The following TNFRSF11B variants were observed in gnomAD, a reference collection of about 807,000 sequenced individuals.
TNFRSF11B encodes TNF receptor superfamily member 11b, also known as tumor necrosis factor receptor superfamily member 11B.
Under a neutral mutation model 43.4 loss-of-function variants are expected in TNFRSF11B, and 16 were observed. The ratio of observed to expected loss-of-function variants is 0.37; its 90% CI spans 0.25 to 0.56. The LOEUF is 0.56. Ranked by LOEUF, TNFRSF11B falls within the 20% of genes least tolerant of loss-of-function variation. TNFRSF11B has a pLI of 0.80. For missense variants in TNFRSF11B, 444 were observed against 490.1 expected (o/e 0.91, Z 0.89); for synonymous variants, 185 against 181.8 (o/e 1.02, Z -0.14).
Position 118,928,918 on chromosome 8 carries a change from G to A in TNFRSF11B, c.412C>T (p.Arg138Ter), listed in dbSNP as rs1201638030. Residue 138 changes from arginine to a stop codon, truncating the protein, a stop_gained, in exon 3 of 5, where the codon CGA becomes TGA. Transcript: ENST00000297350. LOFTEE classifies it high-confidence loss of function. ...FGVVQAGTPE[R>*]NTVCKRCPDG... ...GGACATCTTTTGCAAACTGTATTTCGCTCTGGGGTTCCTACAGAAAATACC... is the reference window on the plus strand; with the variant it reads ...GGACATCTTTTGCAAACTGTATTTCACTCTGGGGTTCCTACAGAAAATACC... The A allele has an allele frequency of 3.1e-6, 5 of 1,613,944 alleles. No homozygotes were observed. The highest frequency in any genetic ancestry group is 3.4e-6 in the Non-Finnish European group (4 of 1,180,000).
At position 118,929,159 on chromosome 8, in the gene TNFRSF11B, G is replaced by A. The variant is rs149011868; in HGVS notation, c.401-230C>T. 42 of 555,178 alleles carry A rather than the reference G, an allele frequency of 7.6e-5. 2 individuals carry two copies. Among genetic ancestry groups the A allele is most frequent in the East Asian group, 3.4e-4 (11 of 32,186 alleles). 34.4% of individuals were successfully genotyped at this position (555,178 alleles called of 1,614,324 possible). ...AATGCAAATGCAAGTCAATTTTCTCGTTACCTACAAAACGCTCATGAAATG... is the reference window on the plus strand; with the variant it reads ...AATGCAAATGCAAGTCAATTTTCTCATTACCTACAAAACGCTCATGAAATG... On this transcript the variant is annotated intron_variant, in intron 2 of 4. Transcript: ENST00000297350.
chr8:118,941,859 G>T (rs1051253637), intron 1 of TNFRSF11B, among the ~76,000 whole-genome samples: 1 of 152,046 alleles, frequency 6.6e-6, no homozygotes, highest in Non-Finnish European at 1.5e-5. Flanking sequence ...CTTCCTTTGG[G>T]CTTCTGTTAG....
chr8:118,947,464 TAGG>T (rs1812581303), intron 1 of TNFRSF11B, among the ~76,000 whole-genome samples: 3 of 152,132 alleles, frequency 2.0e-5, no homozygotes, highest in South Asian at 4.1e-4. Flanking sequence ...TGCTATCCCT[TAGG>T]AGAAGTTCTA....
intron 1 of TNFRSF11B, among the ~76,000 whole-genome samples, chr8:118,949,985 T>G (rs750962147): frequency 5.3e-5 from 8 of 152,228 alleles, no homozygotes; most frequent in Non-Finnish European, 1.2e-4. Flanking sequence ...AAGTATTTAC[T>G]GTGTTCAAGA....
intron 1 of TNFRSF11B, among the ~76,000 whole-genome samples, chr8:118,938,931 G>A (rs1332554208): frequency 1.3e-5 from 2 of 152,188 alleles, no homozygotes; most frequent in Non-Finnish European, 2.9e-5. Flanking sequence ...TTCCATTTAT[G>A]GAAATTCATT....
intron 1 of TNFRSF11B, among the ~76,000 whole-genome samples, chr8:118,944,639 A>G (rs577269075): frequency 2.0e-4 from 30 of 152,152 alleles, no homozygotes; most frequent in African/African-American, 6.3e-4. Flanking sequence ...TTTACTGGAT[A>G]TTAAAAGAAG....
In TNFRSF11B at chr8:118,924,117, A is replaced by T. The variant is rs186535296; in HGVS notation, c.*257T>A. 2.9e-5 allele frequency: 10 copies of T among 343,004 alleles called. No homozygotes were observed. The Admixed American group carries it at 3.9e-4, about 13-fold the overall frequency. The allele number at this position is 343,004 out of a possible 1,614,324, so 21.2% of individuals were successfully genotyped here. On this transcript the variant is annotated 3_prime_UTR_variant, in exon 5 of 5. Coordinates refer to ENST00000297350, the MANE Select transcript of TNFRSF11B (RefSeq NM_002546.4). ...TTTTTTTTTTTTAATTTCCAGTTGA[A>T]TTACTGCAAGCAGTAATAAGGGAAA...
chr8:118,942,486 A>AACAGAAT (rs1378783363), intron 1 of TNFRSF11B, among the ~76,000 whole-genome samples: 1 of 152,042 alleles, frequency 6.6e-6, no homozygotes. Context: ...AATGGACTAA[A>AACAGAAT]ACAGAATTCA....
chr8:118,928,619 G>T, intron 3 of TNFRSF11B, 119 bp downstream of exon 3: 1 of 1,142,866 alleles, frequency 8.7e-7, no homozygotes, highest in Non-Finnish European at 1.3e-6. Flanking sequence ...AGCTGGTTAA[G>T]ATTCAAGAAA....
At chr8:118,942,290 T>A (rs568028077) in intron 1 of TNFRSF11B, among the ~76,000 whole-genome samples, 8 of 144,668 alleles carry the variant, frequency 5.5e-5, no homozygotes, top group Admixed American at 5.2e-4. Flanking sequence ...AACATCAATA[T>A]TTAAATTCCA....
Position 118,924,476 on chromosome 8 carries a change from G to A in TNFRSF11B, c.1104C>T (p.Thr368=). The A allele has an allele frequency of 2.5e-6, 4 of 1,613,978 alleles. No homozygotes were observed. Among genetic ancestry groups the A allele is most frequent in the Non-Finnish European group, 3.4e-6 (4 of 1,179,912 alleles). The change falls in exon 5 of 5, where the codon ACC becomes ACT. Residue 368 remains threonine, a synonymous_variant. Coordinates refer to ENST00000297350, the MANE Select transcript of TNFRSF11B (RefSeq NM_002546.4). ...PKTVTQSLKK[T]IRFLHSFTMY... The stretch of plus-strand genomic sequence containing the variant: ...TTGTGAAGCTGTGAAGGAACCTGAT[G>A]GTCTTCTTTAGACTCTGAGTGACAG...
chr8:118,948,561 C>T (rs368338885), intron 1 of TNFRSF11B, among the ~76,000 whole-genome samples: 3 of 151,782 alleles, frequency 2.0e-5, no homozygotes, highest in East Asian at 1.9e-4. Context: ...TGGTGCAGAA[C>T]GCTTACTTCC....
At chr8:118,938,735 T>A (rs1320764099) in intron 1 of TNFRSF11B, among the ~76,000 whole-genome samples, 1 of 152,196 alleles carries the variant, frequency 6.6e-6, no homozygotes, top group Non-Finnish European at 1.5e-5. Context: ...TGTCCAAAGC[T>A]ACTGAGTTGA....
chr8:118,941,337 T>G (rs1413004561), intron 1 of TNFRSF11B, among the ~76,000 whole-genome samples: 2 of 152,188 alleles, frequency 1.3e-5, no homozygotes, highest in Non-Finnish European at 2.9e-5. Context: ...ATTATGTCTC[T>G]AGGTAAGGCA....
intron 1 of TNFRSF11B, among the ~76,000 whole-genome samples, chr8:118,950,417 G>A (rs913527727): frequency 6.6e-6 from 1 of 152,128 alleles, no homozygotes; most frequent in African/African-American, 2.4e-5. Context: ...GCAAAAAATT[G>A]AATAAGTTCC....
chr8:118,951,666 C>A (rs1812647870), intron 1 of TNFRSF11B, 126 bp downstream of exon 1: 4 of 957,076 alleles, frequency 4.2e-6, no homozygotes, highest in Non-Finnish European at 6.5e-6. Context: ...TCCAGCCTAA[C>A]CCCAAGCCTC....
chr8:118,947,671 C>A (rs11573827), intron 1 of TNFRSF11B, among the ~76,000 whole-genome samples: 4 of 152,080 alleles, frequency 2.6e-5, no homozygotes, highest in Non-Finnish European at 5.9e-5. Context: ...GTGCTTTTTG[C>A]ATAATTGTTA....
rs1200352174 is a variant in TNFRSF11B, at chr8:118,933,032, G to T, written c.299C>A (p.Thr100Asn). 6.2e-7 allele frequency: 1 copy of T among 1,614,144 alleles called. No individual in the cohort carries two copies. The change falls in exon 2 of 5, where the codon ACC becomes AAC. Residue 100 changes from threonine to asparagine, a missense_variant. By Grantham distance (65) the Thr-to-Asn change is moderately conservative. Coordinates refer to ENST00000297350, the MANE Select transcript of TNFRSF11B (RefSeq NM_002546.4). ...CTTGCATTCGCACACGCGGTTGTGGGTGCGATTGCACTCCTGCTTGACGTA... is the reference window on the plus strand; with the variant it reads ...CTTGCATTCGCACACGCGGTTGTGGTTGCGATTGCACTCCTGCTTGACGTA... ...LQYVKQECNR[T>N]HNRVCECKEG...
chr8:118,945,600 T>A (rs1258190176), intron 1 of TNFRSF11B, among the ~76,000 whole-genome samples: 4 of 152,150 alleles, frequency 2.6e-5, no homozygotes, highest in Non-Finnish European at 2.9e-5. Flanking sequence ...AATTGTTAAA[T>A]TACATTTTTT....
Sources: allele counts gnomAD v4.1 joint callset (sites outside exome capture counted in the v4.1 genomes callset), GRCh38; gene constraint gnomAD v4.1.1; transcripts MANE v1.5; gene names NCBI Gene and HGNC (gene_info 2026-07-23, HGNC 2026-07-21).